Variants in PIK3R5 observed in about 807,000 individuals in gnomAD.
PIK3R5 encodes phosphoinositide 3-kinase regulatory subunit 5.
Under a neutral mutation model 94.9 loss-of-function variants are expected in PIK3R5, and 32 were observed. That is an observed-to-expected ratio of 0.34 (90% CI 0.25 to 0.45). PIK3R5 has a LOEUF of 0.45. PIK3R5 is among the 20% of genes least tolerant of loss of function. The probability of loss-of-function intolerance (pLI) is 1.00; values close to 1 mark genes in which losing one functional copy is unlikely to be tolerated. For missense variants in PIK3R5, 853 were observed against 1,144.6 expected (o/e 0.75, Z 3.68); for synonymous variants, 443 against 479.4 (o/e 0.92, Z 0.99).
chr17:8,940,895 C>A (rs528106405), intron 1 of PIK3R5, among the ~76,000 whole-genome samples: 147 of 152,228 alleles, frequency 9.7e-4, no homozygotes, highest in African/African-American at 3.3e-3. Flanking sequence ...CAGGGAGGAG[C>A]TGAGTTGGGA....
At position 8,881,819 on chromosome 17, in the gene PIK3R5, G is replaced by A. The variant is rs1202643345; in HGVS notation, c.2268C>T (p.Leu756=). 12 of 1,614,020 alleles carry A rather than the reference G, an allele frequency of 7.4e-6. No homozygotes were observed. Among genetic ancestry groups the A allele is most frequent in the Non-Finnish European group, 8.5e-6 (10 of 1,180,010 alleles). The change falls in exon 16 of 19, where the codon CTC becomes CTT. Residue 756 remains leucine, a synonymous_variant. Transcript: ENST00000447110. This position sits in a 1 kb window ranked among gnomAD's most constrained non-coding sequence, Gnocchi z 4.8. The stretch of plus-strand genomic sequence containing the variant: ...CCTCCTGCTTCCGGCAGGCCTTGTT[G>A]AGGTTCACGGAGGTACAGACCTTCT... The part of the protein sequence containing the change: ...NLEKVCTSVN[L]NKACRKQEEL...
In PIK3R5 at chr17:8,945,609, A is replaced by G. The variant is rs78872759; in HGVS notation, c.-14+19987T>C. Among the ~76,000 whole-genome samples, 1 of 152,314 alleles carries G rather than the reference A, an allele frequency of 6.6e-6. No homozygotes were observed. Among genetic ancestry groups the G allele is most frequent in the Non-Finnish European group, 1.5e-5 (1 of 68,022 alleles). ...ATCCACCGTAGTCCAGAAACAACAC[A>G]AAATGAGAACTCCTCCCCAGAAAAA... On this transcript the variant is annotated intron_variant, in intron 1 of 18. Transcript: ENST00000447110. This position sits in a 1 kb window ranked among gnomAD's most constrained non-coding sequence, Gnocchi z 4.0.
chr17:8,945,579 C>T lies in PIK3R5; in HGVS notation c.-14+20017G>A, dbSNP rs748237950. Among the ~76,000 whole-genome samples the T allele has an allele frequency of 6.6e-6, 1 of 152,208 alleles. No homozygotes were observed. Among genetic ancestry groups the T allele is most frequent in the Non-Finnish European group, 1.5e-5 (1 of 68,036 alleles). On this transcript the variant is annotated intron_variant, in intron 1 of 18. Transcript: ENST00000447110. This position sits in a 1 kb window ranked among gnomAD's most constrained non-coding sequence, Gnocchi z 4.0. ...GCTAGACAGGAGGCAAAGCAGACAT[C>T]TCAAATCCACCGTAGTCCAGAAACA...
At chr17:8,944,478 A>T (rs2091240504) in intron 1 of PIK3R5, among the ~76,000 whole-genome samples, 1 of 152,270 alleles carries the variant, frequency 6.6e-6, no homozygotes, top group South Asian at 2.1e-4. Flanking sequence ...TGTGCCCATC[A>T]TCAGAAGCAC....
Position 8,882,353 on chromosome 17 carries a change from A to G in PIK3R5, c.2206-472T>C. 2.6e-5 allele frequency: 4 copies of G among 152,866 alleles called. No individual in the cohort carries two copies. The highest frequency in any genetic ancestry group is 4.3e-5 in the Non-Finnish European group (3 of 69,272). 9.5% of individuals were successfully genotyped at this position (152,866 alleles called of 1,614,324 possible). ...GTTCACTGCTCTCCCCTCCTTGAAA[A>G]CCTCTCCTGGGCTTTCGTGATGGCA... On this transcript the variant is annotated intron_variant, in intron 15 of 18. Coordinates refer to ENST00000447110, the MANE Select transcript of PIK3R5 (RefSeq NM_001142633.3). This position sits in a 1 kb window ranked among gnomAD's most constrained non-coding sequence, Gnocchi z 4.1.
At position 8,884,111 on chromosome 17, in the gene PIK3R5, C is replaced by T. The variant is rs2089749769; in HGVS notation, c.2205+596G>A. Among the ~76,000 whole-genome samples, 1 of 152,174 alleles carries T rather than the reference C, an allele frequency of 6.6e-6. No homozygotes were observed. Among genetic ancestry groups the T allele is most frequent in the Admixed American group, 6.5e-5 (1 of 15,286 alleles). On this transcript the variant is annotated intron_variant, in intron 15 of 18. Coordinates refer to ENST00000447110, the MANE Select transcript of PIK3R5 (RefSeq NM_001142633.3). The surrounding 1 kb of genome is among the most constrained non-coding windows in gnomAD (Gnocchi z 5.8). Reference sequence around the variant, plus strand: ...GAGGCCTAGGCTTCCCTGCTCAACCCCTCTTTTCCCCTGCCCAGCACAGAG... The same window carrying T: ...GAGGCCTAGGCTTCCCTGCTCAACCTCTCTTTTCCCCTGCCCAGCACAGAG...
chr17:8,948,197 G>A lies in PIK3R5; in HGVS notation c.-14+17399C>T, dbSNP rs1042932727. ...AGTGGCCGACGCATGAGAGAAAGCCGAAATGCGCTCCTATGTTGCCTCCAT... is the reference window on the plus strand; with the variant it reads ...AGTGGCCGACGCATGAGAGAAAGCCAAAATGCGCTCCTATGTTGCCTCCAT... On this transcript the variant is annotated intron_variant, in intron 1 of 18. Transcript: ENST00000447110. 7.2e-5 allele frequency among the ~76,000 whole-genome samples: 11 copies of A among 152,168 alleles called. No homozygotes were observed. The South Asian group carries it at 8.3e-4, about 11-fold the overall frequency.
At position 8,884,805 on chromosome 17, in the gene PIK3R5, C is replaced by A; in HGVS notation, c.2129-22G>T. The A allele has an allele frequency of 6.2e-7, 1 of 1,609,808 alleles. No homozygotes were observed. The highest frequency in any genetic ancestry group is 8.5e-7 in the Non-Finnish European group (1 of 1,177,796). On this transcript the variant is annotated intron_variant, in intron 14 of 18. Coordinates refer to ENST00000447110, the MANE Select transcript of PIK3R5 (RefSeq NM_001142633.3). The surrounding 1 kb of genome is among the most constrained non-coding windows in gnomAD (Gnocchi z 5.8). ...GGACCTGTGCCACACACAGACAGAC[C>A]CTTCACTACCCCTGGCTTCCCCGGC...
intron 1 of PIK3R5, among the ~76,000 whole-genome samples, chr17:8,940,290 C>A (rs900666528): frequency 5.3e-5 from 8 of 152,184 alleles, no homozygotes; most frequent in African/African-American, 1.9e-4. Context: ...CCTCTCTGGA[C>A]CTGTTTACTT....
chr17:8,886,373 A>G (rs368352248), intron 13 of PIK3R5, 51 bp from the exon 14 acceptor site: 4 of 1,602,008 alleles, frequency 2.5e-6, no homozygotes, highest in African/African-American at 2.7e-5. Context: ...GGAGGGGCCC[A>G]TTTGGCTCCT....
intron 1 of PIK3R5, among the ~76,000 whole-genome samples, chr17:8,946,328 GAAAACTACTA>G (rs1313501302): frequency 6.6e-6 from 1 of 151,008 alleles, no homozygotes; most frequent in African/African-American, 2.5e-5. Flanking sequence ...AAGCTAGAAA[GAAAACTACTA>G]GAAAGAAAAT....
In PIK3R5 at chr17:8,884,380, G is replaced by T. The variant is rs759340426; in HGVS notation, c.2205+327C>A. Among the ~76,000 whole-genome samples, 1 of 151,738 alleles carries T rather than the reference G, an allele frequency of 6.6e-6. No homozygotes were observed. The highest frequency in any genetic ancestry group is 1.5e-5 in the Non-Finnish European group (1 of 67,946). On this transcript the variant is annotated intron_variant, in intron 15 of 18. Coordinates refer to ENST00000447110, the MANE Select transcript of PIK3R5 (RefSeq NM_001142633.3). This position sits in a 1 kb window ranked among gnomAD's most constrained non-coding sequence, Gnocchi z 5.8. ...CCCCCCGAGACCCTGGCTTCTCCCT[G>T]AGGTGCCTCTGGAAGGCTTCCCTTT...
At chr17:8,886,352 G>A (rs1846627048) in intron 13 of PIK3R5, 30 bp from the exon 14 acceptor site, 1 of 1,601,892 alleles carries the variant, frequency 6.2e-7, no homozygotes, top group Admixed American at 1.7e-5. Flanking sequence ...GTACATCAGT[G>A]TGAACCTCCT....
intron 1 of PIK3R5, among the ~76,000 whole-genome samples, chr17:8,940,202 CAACCTGGGG>C (rs2091150050): frequency 6.6e-6 from 1 of 152,194 alleles, no homozygotes; most frequent in Non-Finnish European, 1.5e-5. Flanking sequence ...GAAGAGCCCC[CAACCTGGGG>C]CAAGCAGCTG....
chr17:8,883,490 C>G (rs1433759352), intron 15 of PIK3R5, among the ~76,000 whole-genome samples: 2 of 152,238 alleles, frequency 1.3e-5, no homozygotes, highest in African/African-American at 2.4e-5. Flanking sequence ...CTGCTCCAGC[C>G]TGGGGGTCTT....
At chr17:8,887,835 CAA>C (rs35014801) in intron 10 of PIK3R5, 152 bp from the exon 11 acceptor site, 25,618 of 387,412 alleles carry the variant, frequency 0.066, 3 homozygotes, top group South Asian at 0.082. Context: ...TCTACTAAGA[CAA>C]AAAAAAAAAA....
chr17:8,914,327 A>G (rs2090590312), intron 1 of PIK3R5, among the ~76,000 whole-genome samples: 1 of 152,180 alleles, frequency 6.6e-6, no homozygotes, highest in Non-Finnish European at 1.5e-5. Context: ...AGACAAGGGG[A>G]TCAGGGAGGA....
chr17:8,885,768 C>T (rs574973101), intron 14 of PIK3R5, among the ~76,000 whole-genome samples: 2 of 83,500 alleles, frequency 2.4e-5, no homozygotes, highest in African/African-American at 1.2e-4. Context: ...TAACCCCGCC[C>T]TCCCATGGCC....
rs1450865749 is a variant in PIK3R5 at position 8,880,121 on chromosome 17, ATG to A, written c.*516_*517del. The A allele has an allele frequency of 6.5e-6, 1 of 153,182 alleles. No individual in the cohort carries two copies. The highest frequency in any genetic ancestry group is 6.5e-5 in the Admixed American group (1 of 15,324). The allele number at this position is 153,182 out of a possible 1,614,324, so 9.5% of individuals were successfully genotyped here. ...GTGCGCATGTGCGTACATGCATGCC[ATG>A]TGTGTGTGGTGTTTGCAGGGAGAGG... On this transcript the variant is annotated 3_prime_UTR_variant, in exon 19 of 19. Coordinates refer to ENST00000447110, the MANE Select transcript of PIK3R5 (RefSeq NM_001142633.3).
Sources: gnomAD v4.1 joint callset for allele counts (sites outside exome capture counted in the v4.1 genomes callset) on GRCh38, gnomAD v4.1.1 for gene constraint, Gnocchi (gnomAD v3.1) non-coding constraint, MANE v1.5 for transcripts, NCBI Gene and HGNC (gene_info 2026-07-23, HGNC 2026-07-21) for gene names.